The following ATP1B4 variants were observed in gnomAD, a reference collection of about 807,000 sequenced individuals.
ATP1B4 encodes the protein ATPase Na+/K+ transporting family member beta 4, also known as protein ATP1B4.
In ATP1B4, 32 loss-of-function variants were observed where a neutral mutation model predicts 29.6. The observed-to-expected ratio is 1.08, with a 90% confidence interval of 0.82 to 1.45. ATP1B4 has a LOEUF of 1.45. ATP1B4 is among the 40% of genes most tolerant of loss of function. The pLI is 0.00. For missense variants in ATP1B4, 323 were observed against 276.2 expected, an observed-to-expected ratio of 1.17 and a Z score of -1.20; for synonymous variants, 127 against 102.1, an observed-to-expected ratio of 1.24 and a Z score of -1.47.
At chrX:120,374,245 T>A (rs1036602134) in intron 4 of ATP1B4, among the ~76,000 whole-genome samples, 3 of 108,909 alleles carry the variant, frequency 2.8e-5, no homozygotes, top group Non-Finnish European at 3.8e-5. Context: ...AGTACCAGAG[T>A]CGGCCTCCAG....
chrX:120,364,180 A>T (rs2058275212), intron 1 of ATP1B4, among the ~76,000 whole-genome samples: 1 of 112,107 alleles, frequency 8.9e-6, no homozygotes, highest in Non-Finnish European at 1.9e-5. Context: ...GGCCTAGGCC[A>T]GCTGCCTCCT....
At position 120,379,752 on chromosome X, in the gene ATP1B4, C is replaced by T. The variant is rs963846012; in HGVS notation, c.*118C>T. 2.3e-5 allele frequency: 17 copies of T among 744,627 alleles called. No homozygotes were observed. Among genetic ancestry groups the T allele is most frequent in the Non-Finnish European group, 3.0e-5 (16 of 532,843 alleles). The allele number at this position is 744,627 out of a possible 1,213,427, so 61.4% of individuals were successfully genotyped here. ...CAGCCAGATGGACATCTAAGACAGCCGATCATCTTTCCTTGCCTATGACAT... is the reference window on the plus strand; with the variant it reads ...CAGCCAGATGGACATCTAAGACAGCTGATCATCTTTCCTTGCCTATGACAT... On this transcript the variant is annotated 3_prime_UTR_variant, in exon 8 of 8. Coordinates refer to ENST00000218008, the MANE Select transcript of ATP1B4 (RefSeq NM_001142447.3).
At chrX:120,377,267 A>G (rs150908538) in intron 6 of ATP1B4, among the ~76,000 whole-genome samples, 7,834 of 112,204 alleles carry the variant, frequency 0.07, 281 homozygotes, top group Non-Finnish European at 0.11. Flanking sequence ...TATATAGCAG[A>G]TCCTCTGCTA....
At chrX:120,371,428 C>T (rs1481419507) in intron 4 of ATP1B4, among the ~76,000 whole-genome samples, 1 of 111,844 alleles carries the variant, frequency 8.9e-6, no homozygotes, top group African/African-American at 3.3e-5. Context: ...GCCAATTTTC[C>T]AGCAAGATAA....
intron 1 of ATP1B4, among the ~76,000 whole-genome samples, chrX:120,366,266 C>T (rs762546323): frequency 2.7e-4 from 30 of 111,447 alleles, no homozygotes; most frequent in Non-Finnish European, 5.7e-4. Flanking sequence ...GAGAAGAGCC[C>T]AAATGCCTGA....
chrX:120,363,523 A>C (rs950252237), intron 1 of ATP1B4, among the ~76,000 whole-genome samples: 1 of 112,664 alleles, frequency 8.9e-6, no homozygotes, highest in African/African-American at 3.2e-5. Context: ...TCCTGTGCTA[A>C]TTTCTCTTTT....
chrX:120,366,846 T>C (rs775236601), intron 2 of ATP1B4, 57 bp downstream of exon 2: 1 of 1,172,732 alleles, frequency 8.5e-7, no homozygotes, highest in Non-Finnish European at 1.1e-6. Context: ...TGGTGTGGTG[T>C]TCAGGGCTCC....
chrX:120,371,975 A>G (rs1479792175), intron 4 of ATP1B4, among the ~76,000 whole-genome samples: 1 of 112,661 alleles, frequency 8.9e-6, no homozygotes, highest in Non-Finnish European at 1.9e-5. Context: ...GCCAAGTGTC[A>G]TTATTTAACA....
At chrX:120,368,248 G>C (rs2058295588) in intron 2 of ATP1B4, among the ~76,000 whole-genome samples, 2 of 111,531 alleles carry the variant, frequency 1.8e-5, no homozygotes, top group Admixed American at 1.9e-4. Flanking sequence ...GATCTAAGTA[G>C]AGCCCAGGAA....
At chrX:120,371,058 T>A (rs756057773) in intron 3 of ATP1B4, 48 bp from the exon 4 acceptor site, 68 of 1,119,646 alleles carry the variant, frequency 6.1e-5, no homozygotes, top group Non-Finnish European at 8.2e-5. Context: ...TACAAAAAAA[T>A]TATCCCAAGA....
intron 1 of ATP1B4, among the ~76,000 whole-genome samples, chrX:120,365,872 G>C (rs2058283219): frequency 8.9e-6 from 1 of 111,852 alleles, no homozygotes; most frequent in Non-Finnish European, 1.9e-5. Context: ...CGGGGTTCCA[G>C]CTCTCAGATG....
rs949674106 is a variant in ATP1B4 at position 120,379,913 on chromosome X, C to T, written c.*279C>T. The T allele has an allele frequency of 1.8e-5, 4 of 227,349 alleles. No homozygotes were observed. In the Admixed American group the frequency reaches 2.8e-4, roughly 16 times the overall value. The allele number at this position is 227,349 out of a possible 1,213,427, so 18.7% of individuals were successfully genotyped here. On this transcript the variant is annotated 3_prime_UTR_variant, in exon 8 of 8. Coordinates refer to ENST00000218008, the MANE Select transcript of ATP1B4 (RefSeq NM_001142447.3). ...CTTGCTGCTGGTAATCTCCCTGTAGCGTAAACATAGTATCTGATAAAATTT... is the reference window on the plus strand; with the variant it reads ...CTTGCTGCTGGTAATCTCCCTGTAGTGTAAACATAGTATCTGATAAAATTT...
chrX:120,365,658 G>A (rs2058282287), intron 1 of ATP1B4, among the ~76,000 whole-genome samples: 1 of 112,427 alleles, frequency 8.9e-6, no homozygotes, highest in East Asian at 2.8e-4. Context: ...CCTGTGGCTG[G>A]GAGGCATTTG....
intron 4 of ATP1B4, 103 bp downstream of exon 4, chrX:120,371,313 C>A: frequency 1.7e-6 from 1 of 604,919 alleles, no homozygotes; most frequent in South Asian, 2.5e-5. Context: ...TCTTACTAAC[C>A]CCAACTCATC....
chrX:120,364,822 T>C (rs1005465174), intron 1 of ATP1B4, among the ~76,000 whole-genome samples: 7 of 112,048 alleles, frequency 6.2e-5, no homozygotes, highest in African/African-American at 2.3e-4. Context: ...GCTCAAGTGA[T>C]CCTCCTGCCT....
intron 2 of ATP1B4, 122 bp from the exon 3 acceptor site, chrX:120,370,593 G>A (rs2058308010): frequency 2.3e-6 from 2 of 884,767 alleles, no homozygotes; most frequent in Admixed American, 2.8e-5. Flanking sequence ...AGGACATACT[G>A]AATCTGAGGA....
At chrX:120,375,242 A>AT in intron 4 of ATP1B4, 130 bp from the exon 5 acceptor site, 2 of 563,958 alleles carry the variant, frequency 3.5e-6, no homozygotes, top group Admixed American at 3.2e-5. Flanking sequence ...TCACAGGTAG[A>AT]CTGAGTGGGC....
intron 4 of ATP1B4, among the ~76,000 whole-genome samples, chrX:120,371,602 C>T (rs1282695876): frequency 9.0e-6 from 1 of 111,666 alleles, no homozygotes; most frequent in Non-Finnish European, 1.9e-5. Flanking sequence ...AGATTCCTAT[C>T]TTCTAAACTT....
At chrX:120,375,606 T>C (rs1602507729) in intron 5 of ATP1B4, 38 bp downstream of exon 5, 3 of 1,123,762 alleles carry the variant, frequency 2.7e-6, no homozygotes, top group African/African-American at 3.6e-5. Context: ...GATAAGCGAA[T>C]GAACTAGATA....
Sources: gnomAD v4.1 joint callset for allele counts (sites outside exome capture counted in the v4.1 genomes callset) on GRCh38, gnomAD v4.1.1 for gene constraint, MANE v1.5 for transcripts, NCBI Gene and HGNC (gene_info 2026-07-23, HGNC 2026-07-21) for gene names.